Variants in FSTL5 observed in about 807,000 individuals in gnomAD.
FSTL5 encodes follistatin-related protein 5.
In FSTL5, 62 loss-of-function variants were observed where a neutral mutation model predicts 89.1. The ratio of observed to expected loss-of-function variants is 0.70; its 90% CI spans 0.57 to 0.86. The LOEUF (loss-of-function observed/expected upper bound fraction) is 0.86. FSTL5 is among the 40% of genes least tolerant of loss of function. The pLI, the probability that FSTL5 is intolerant of heterozygous loss-of-function variation, is 0.00. For missense variants in FSTL5, 1,057 were observed against 1,001.6 expected (o/e 1.06, Z -0.75); for synonymous variants, 383 against 346.2 (o/e 1.11, Z -1.18).
rs184248479 is a variant in FSTL5 at position 161,811,483 on chromosome 4, C to T, written c.410-35409G>A. ...ATCAAAATTGAATCTAAATTTCCCT[C>T]ACTAACCTTTCACTGAAAAAAGCTA... On this transcript the variant is annotated intron_variant, in intron 4 of 15. Coordinates refer to ENST00000306100, the MANE Select transcript of FSTL5 (RefSeq NM_020116.5). 7.5e-4 allele frequency among the ~76,000 whole-genome samples: 114 copies of T among 152,204 alleles called. 1 individual carries two copies. Among genetic ancestry groups the T allele is most frequent in the Admixed American group, 1.6e-3 (25 of 15,284 alleles).
At chr4:161,434,650 A>T (rs550132146) in intron 15 of FSTL5, among the ~76,000 whole-genome samples, 2 of 152,234 alleles carry the variant, frequency 1.3e-5, no homozygotes, top group South Asian at 4.1e-4. Context: ...TGAATGGGAG[A>T]AATATTTGCA....
At chr4:161,838,248 C>A (rs996617120) in intron 4 of FSTL5, among the ~76,000 whole-genome samples, 2 of 152,086 alleles carry the variant, frequency 1.3e-5, no homozygotes, top group Non-Finnish European at 2.9e-5. Context: ...TGGTGTTGTA[C>A]CTCTTTACCT....
intron 4 of FSTL5, among the ~76,000 whole-genome samples, chr4:161,777,910 A>G (rs186446185): frequency 1.0e-3 from 157 of 152,272 alleles, no homozygotes; most frequent in Middle Eastern, 3.4e-3. Context: ...CCTGGCCAAC[A>G]TGGTGAAACC....
At chr4:161,703,602 C>T (rs1358559971) in intron 6 of FSTL5, among the ~76,000 whole-genome samples, 1 of 152,058 alleles carries the variant, frequency 6.6e-6, no homozygotes, top group Non-Finnish European at 1.5e-5. Context: ...CTATGAATTG[C>T]CTTATGGGAC....
chr4:161,597,094 A>T (rs2126618741), intron 7 of FSTL5, among the ~76,000 whole-genome samples: 1 of 152,180 alleles, frequency 6.6e-6, no homozygotes, highest in African/African-American at 2.4e-5. Flanking sequence ...TTTAGACATG[A>T]AGTCCTTGCC....
intron 6 of FSTL5, among the ~76,000 whole-genome samples, chr4:161,725,552 A>G (rs899697352): frequency 3.3e-5 from 5 of 151,704 alleles, no homozygotes; most frequent in Admixed American, 3.3e-4. Flanking sequence ...TAACATAAAC[A>G]TACTTTTGAA....
intron 8 of FSTL5, among the ~76,000 whole-genome samples, chr4:161,555,786 CAT>C (rs913019125): frequency 4.6e-5 from 7 of 151,574 alleles, no homozygotes; most frequent in Non-Finnish European, 8.9e-5. Flanking sequence ...TGTCTACTCA[CAT>C]GTTTTGTTGT....
chr4:162,103,046 A>T (rs1731066453), intron 2 of FSTL5, among the ~76,000 whole-genome samples: 1 of 152,046 alleles, frequency 6.6e-6, no homozygotes, highest in Non-Finnish European at 1.5e-5. Context: ...TTTGCATACC[A>T]CCTACAGATC....
intron 13 of FSTL5, among the ~76,000 whole-genome samples, chr4:161,467,306 T>C (rs1733780049): frequency 1.3e-5 from 2 of 152,052 alleles, no homozygotes; most frequent in East Asian, 3.9e-4. Flanking sequence ...TTAGAAAAAA[T>C]AGGTAAATAA....
chr4:161,478,427 T>C (rs1470967646), intron 13 of FSTL5, among the ~76,000 whole-genome samples: 1 of 152,116 alleles, frequency 6.6e-6, no homozygotes, highest in African/African-American at 2.4e-5. Context: ...CCTTATTTAA[T>C]ATACATTGTT....
chr4:161,970,054 GT>G (rs1735439352), intron 3 of FSTL5, among the ~76,000 whole-genome samples: 1 of 152,016 alleles, frequency 6.6e-6, no homozygotes, highest in South Asian at 2.1e-4. Flanking sequence ...GAGTCACTAA[GT>G]TTCTCATTAA....
chr4:161,586,845 C>G (rs1175572784), intron 8 of FSTL5, among the ~76,000 whole-genome samples: 1 of 152,080 alleles, frequency 6.6e-6, no homozygotes, highest in Non-Finnish European at 1.5e-5. Context: ...GTTTCTGCCT[C>G]CTTTTCATAA....
intron 7 of FSTL5, among the ~76,000 whole-genome samples, chr4:161,647,118 A>G (rs1736178935): frequency 6.6e-6 from 1 of 152,180 alleles, no homozygotes; most frequent in Non-Finnish European, 1.5e-5. Context: ...TTCATTTAGG[A>G]ATTTTACAGT....
chr4:161,386,211 T>C lies in FSTL5; in HGVS notation c.2080A>G (p.Thr694Ala). ...DSVIGFNSDVTGTPYVSPDGH... is the reference protein window; with the variant it reads ...DSVIGFNSDVAGTPYVSPDGH... ...TCTGGAGAGACATATGGAGTGCCCG[T>C]CACATCACTATTGAACCCAATGACT... Residue 694 changes from threonine (T) to alanine (A), a missense_variant, in exon 16 of 16, where the codon ACG becomes GCG. Around this residue, in one of 3 missense-constraint regions of FSTL5, gnomAD observed 980 missense variants for 903.2 expected, o/e 1.08. Coordinates refer to ENST00000306100, the MANE Select transcript of FSTL5 (RefSeq NM_020116.5). 1 of 1,614,004 alleles carries C rather than the reference T, an allele frequency of 6.2e-7. No homozygotes were observed. The highest frequency in any genetic ancestry group is 8.5e-7 in the Non-Finnish European group (1 of 1,179,976).
In FSTL5 at chr4:161,890,001, A is replaced by T. The variant is rs574720059; in HGVS notation, c.409+30403T>A. Among the ~76,000 whole-genome samples, 8 of 152,336 alleles carry T rather than the reference A, an allele frequency of 5.3e-5. 1 individual carries two copies. The East Asian group carries it at 1.2e-3, about 22-fold the overall frequency. ...AAAACATTAGAAGATTAGAAAAATCAGTGCCAATAATGAAGACATTGGGAG... is the reference window on the plus strand; with the variant it reads ...AAAACATTAGAAGATTAGAAAAATCTGTGCCAATAATGAAGACATTGGGAG... On this transcript the variant is annotated intron_variant, in intron 4 of 15. Transcript: ENST00000306100.
intron 4 of FSTL5, among the ~76,000 whole-genome samples, chr4:161,800,787 T>C (rs776454678): frequency 5.3e-5 from 8 of 151,538 alleles, no homozygotes; most frequent in Non-Finnish European, 1.0e-4. Context: ...GTAGTTATAA[T>C]AGAGTGTTCT....
At chr4:161,764,507 C>T (rs1740922065) in intron 5 of FSTL5, among the ~76,000 whole-genome samples, 1 of 152,138 alleles carries the variant, frequency 6.6e-6, no homozygotes, top group South Asian at 2.1e-4. Flanking sequence ...TGTCCACCTG[C>T]CTCAGCCTCC....
chr4:161,476,200 T>G (rs1734142314), intron 13 of FSTL5, among the ~76,000 whole-genome samples: 1 of 144,130 alleles, frequency 6.9e-6, no homozygotes, highest in South Asian at 2.2e-4. Flanking sequence ...TTTGTTTGTT[T>G]TTTTGAGAAA....
chr4:161,808,440 C>T (rs1056064157), intron 4 of FSTL5, among the ~76,000 whole-genome samples: 1 of 151,932 alleles, frequency 6.6e-6, no homozygotes, highest in African/African-American at 2.4e-5. Flanking sequence ...TAACCCGTGT[C>T]CATTAATGGA....
Sources: allele counts gnomAD v4.1 joint callset (sites outside exome capture counted in the v4.1 genomes callset), GRCh38; gene constraint gnomAD v4.1.1; regional missense constraint gnomAD v4.1.1; transcripts MANE v1.5; gene names NCBI Gene and HGNC (gene_info 2026-07-23, HGNC 2026-07-21).